The following PBX1 variants were observed in gnomAD, a reference collection of about 807,000 sequenced individuals.
PBX1 encodes pre-B-cell leukemia transcription factor 1.
PBX1 carries 6 observed loss-of-function variants against 53.4 expected under a neutral mutation model. That is an observed-to-expected ratio of 0.11 (90% CI 0.06 to 0.22). PBX1 has a LOEUF of 0.22. Among genes scored for constraint, PBX1 ranks in the 10% least tolerant of loss-of-function variants. The pLI, the probability that PBX1 is intolerant of heterozygous loss-of-function variation, is 1.00. For synonymous variants in PBX1, 204 were observed against 212.3 expected, an observed-to-expected ratio of 0.96 and a Z score of 0.34; for missense variants, 251 against 551.4, an observed-to-expected ratio of 0.46 and a Z score of 5.46.
At chr1:164,592,787 C>T (rs1432943366) in intron 2 of PBX1, among the ~76,000 whole-genome samples, 1 of 152,116 alleles carries the variant, frequency 6.6e-6, no homozygotes, top group Non-Finnish European at 1.5e-5. Flanking sequence ...CTGCTGCTTC[C>T]TGGACACACC....
At chr1:164,758,754 A>G (rs975089345) in intron 2 of PBX1, among the ~76,000 whole-genome samples, 3 of 152,078 alleles carry the variant, frequency 2.0e-5, no homozygotes, top group Non-Finnish European at 1.5e-5. Context: ...AAGAAGCTGG[A>G]AACTAAAATC....
chr1:164,668,643 T>A (rs1660947452), intron 2 of PBX1, among the ~76,000 whole-genome samples: 2 of 152,226 alleles, frequency 1.3e-5, no homozygotes, highest in South Asian at 4.1e-4. Context: ...TGTAACATAC[T>A]CTTCCCCTTT....
Position 164,640,260 on chromosome 1 carries a change from C to G in PBX1, c.265+76949C>G, listed in dbSNP as rs1434255069. Among the ~76,000 whole-genome samples the G allele has an allele frequency of 4.6e-5, 7 of 152,232 alleles. No individual in the cohort carries two copies. The East Asian group carries it at 1.4e-3, about 29-fold the overall frequency. ...GTATGTCTGCTAGTATACAGAGTAG[C>G]TAAGGGATCCAAATGGGGGAAGGCC... is the stretch of plus-strand genomic sequence containing the variant. On this transcript the variant is annotated intron_variant, in intron 2 of 8. Transcript: ENST00000420696.
At position 164,834,029 on chromosome 1, in the gene PBX1, ATGTGTGTGTGTG is replaced by A. The variant is rs35739146; in HGVS notation, c.1200+12433_1200+12444del. Among the ~76,000 whole-genome samples the A allele has an allele frequency of 1.2e-3, 151 of 128,282 alleles. 4 individuals carry two copies. In the East Asian group the frequency reaches 0.025, roughly 21 times the overall value. 84.2% of individuals were successfully genotyped at this position (128,282 alleles called of 152,430 possible). On this transcript the variant is annotated intron_variant, in intron 8 of 8. Transcript: ENST00000420696. ...CCTGGATATGGGTATATATATGTAT[ATGTGTGTGTGTG>A]TGTGTGTGTGTGTGTGTGTGTGTGT...
intron 2 of PBX1, among the ~76,000 whole-genome samples, chr1:164,778,939 C>A (rs2102269427): frequency 6.6e-6 from 1 of 152,176 alleles, no homozygotes; most frequent in Non-Finnish European, 1.5e-5. Context: ...AAGTATGTGC[C>A]CTTGGGCCAC....
intron 2 of PBX1, among the ~76,000 whole-genome samples, chr1:164,675,132 G>A (rs1417987865): frequency 6.6e-6 from 1 of 152,028 alleles, no homozygotes; most frequent in Admixed American, 6.5e-5. Context: ...CAATAATTGA[G>A]GTCTTTAATT....
At chr1:164,591,475 A>T (rs773182858) in intron 2 of PBX1, among the ~76,000 whole-genome samples, 1 of 152,222 alleles carries the variant, frequency 6.6e-6, no homozygotes, top group African/African-American at 2.4e-5. Flanking sequence ...CTCTGTAACT[A>T]TATTAGTAGC....
At chr1:164,693,462 A>G (rs190252009) in intron 2 of PBX1, among the ~76,000 whole-genome samples, 6 of 152,334 alleles carry the variant, frequency 3.9e-5, no homozygotes, top group African/African-American at 1.4e-4. Flanking sequence ...TGACATTTTT[A>G]TGGCATGCTT....
chr1:164,801,635 T>G lies in PBX1; in HGVS notation c.701+1746T>G, dbSNP rs1051108935. On this transcript the variant is annotated intron_variant, in intron 4 of 8. Coordinates refer to ENST00000420696, the MANE Select transcript of PBX1 (RefSeq NM_002585.4). ...GGAGGGTTTTGTACGCAAGTTTCTT[T>G]CGCTTCCACCAGCCTTTGCCTAGAG... is the stretch of plus-strand genomic sequence containing the variant. Among the ~76,000 whole-genome samples the G allele has an allele frequency of 9.2e-5, 14 of 152,302 alleles. 1 individual carries two copies. The East Asian group carries it at 2.7e-3, about 29-fold the overall frequency.
intron 3 of PBX1, among the ~76,000 whole-genome samples, chr1:164,794,270 T>C (rs200043379): frequency 6.6e-6 from 1 of 152,180 alleles, no homozygotes; most frequent in East Asian, 1.9e-4. Context: ...AGAAGGCAAA[T>C]GCAAACTTAA....
chr1:164,826,874 A>C (rs1558031661), intron 8 of PBX1, among the ~76,000 whole-genome samples: 1 of 151,202 alleles, frequency 6.6e-6, no homozygotes, highest in South Asian at 2.1e-4. Context: ...ACATCAATTT[A>C]TGACACAAAA....
Position 164,559,695 on chromosome 1 carries a change from T to C in PBX1, c.-128T>C. The C allele has an allele frequency of 1.6e-6, 1 of 629,506 alleles. No homozygotes were observed. Among genetic ancestry groups the C allele is most frequent in the Non-Finnish European group, 2.5e-6 (1 of 395,094 alleles). 39.0% of individuals were successfully genotyped at this position (629,506 alleles called of 1,614,324 possible). ...TTTTTTTTCTTTTGGTCTTCTTTTT[T>C]CCCCCTTCCCTGTTTATCCTGAAAA... On this transcript the variant is annotated 5_prime_UTR_variant, in exon 1 of 9. Transcript: ENST00000420696.
chr1:164,727,378 A>G (rs1664752534), intron 2 of PBX1, among the ~76,000 whole-genome samples: 2 of 152,184 alleles, frequency 1.3e-5, no homozygotes, highest in Non-Finnish European at 2.9e-5. Flanking sequence ...AAATCAGGTT[A>G]TAATTCAGAG....
chr1:164,775,853 G>T (rs1667615408), intron 2 of PBX1, among the ~76,000 whole-genome samples: 1 of 152,168 alleles, frequency 6.6e-6, no homozygotes, highest in African/African-American at 2.4e-5. Context: ...CCTGCTGCAT[G>T]GGCATACATT....
chr1:164,667,881 G>T lies in PBX1; in HGVS notation c.265+104570G>T, dbSNP rs531241071. Among the ~76,000 whole-genome samples the T allele has an allele frequency of 1.2e-4, 18 of 152,274 alleles. No homozygotes were observed. In the South Asian group the frequency reaches 3.7e-3, roughly 32 times the overall value. Reference sequence around the variant, plus strand: ...TGCAGTTCACACTTCCTGTATTGTTGTTTCCTAGCCTTTCCTAGTCTCAGG... The same window carrying T: ...TGCAGTTCACACTTCCTGTATTGTTTTTTCCTAGCCTTTCCTAGTCTCAGG... On this transcript the variant is annotated intron_variant, in intron 2 of 8. Transcript: ENST00000420696.
intron 2 of PBX1, among the ~76,000 whole-genome samples, chr1:164,870,247 T>TTCCTTCCTTCCC (rs1672323397): frequency 1.6e-5 from 1 of 61,566 alleles, no homozygotes; most frequent in Non-Finnish European, 3.2e-5. Context: ...CCTTCCTTCC[T>TTCCTTCCTTCCC]TCCTTCCTTC....
At chr1:164,716,753 A>G (rs78286774) in intron 2 of PBX1, among the ~76,000 whole-genome samples, 7 of 144,670 alleles carry the variant, frequency 4.8e-5, no homozygotes, top group African/African-American at 1.8e-4. Flanking sequence ...GAGAAGAAAA[A>G]AAAAGAATCT....
At chr1:164,870,921 C>T (rs1672368237) in intron 2 of PBX1, among the ~76,000 whole-genome samples, 1 of 152,122 alleles carries the variant, frequency 6.6e-6, no homozygotes, top group African/African-American at 2.4e-5. Context: ...TCATCTACTC[C>T]TCTATGGGAG....
chr1:164,749,818 C>G (rs546577307), intron 2 of PBX1, among the ~76,000 whole-genome samples: 60 of 152,204 alleles, frequency 3.9e-4, no homozygotes, highest in African/African-American at 1.3e-3. Flanking sequence ...TGGTGATTAC[C>G]AGCATCTGAC....
Sources: gnomAD v4.1 joint callset for allele counts (sites outside exome capture counted in the v4.1 genomes callset) on GRCh38, gnomAD v4.1.1 for gene constraint, MANE v1.5 for transcripts, NCBI Gene and HGNC (gene_info 2026-07-23, HGNC 2026-07-21) for gene names.